RAB40B: variants seen among roughly 807,000 people sequenced by gnomAD.
RAB40B encodes ras-related protein Rab-40B.
In RAB40B, 21 loss-of-function variants were observed where a neutral mutation model predicts 24.0. That is an observed-to-expected ratio of 0.88 (90% CI 0.62 to 1.26). The LOEUF (loss-of-function observed/expected upper bound fraction) is 1.26. Among genes scored for constraint, RAB40B ranks in the 50% most tolerant of loss-of-function variants. The pLI, the probability that RAB40B is intolerant of heterozygous loss-of-function variation, is 0.00. For missense variants in RAB40B, 348 were observed against 390.5 expected, an observed-to-expected ratio of 0.89 and a Z score of 0.92; for synonymous variants, 167 against 169.8, an observed-to-expected ratio of 0.98 and a Z score of 0.13.
rs573290774 is a variant in RAB40B at position 82,672,877 on chromosome 17, A to G, written c.143-8321T>C. On this transcript the variant is annotated intron_variant, in intron 1 of 5. Transcript: ENST00000571995. Reference sequence around the variant, plus strand: ...GGTATACAATGTTTATTTTTCCTTCATGTACGAATTTTTGTTTCTACTGGA... The same window carrying G: ...GGTATACAATGTTTATTTTTCCTTCGTGTACGAATTTTTGTTTCTACTGGA... 6.6e-5 allele frequency among the ~76,000 whole-genome samples: 10 copies of G among 152,260 alleles called. No individual in the cohort carries two copies. The South Asian group carries it at 2.1e-3, about 32-fold the overall frequency.
intron 1 of RAB40B, among the ~76,000 whole-genome samples, chr17:82,665,321 C>G (rs1188003698): frequency 5.3e-5 from 8 of 151,670 alleles, no homozygotes; most frequent in Non-Finnish European, 8.8e-5. Flanking sequence ...GGCGTGATCA[C>G]AGCTCACTGC....
chr17:82,660,448 A>G (rs74193995), intron 3 of RAB40B, among the ~76,000 whole-genome samples: 21,109 of 150,718 alleles, frequency 0.14, 1,574 homozygotes, highest in South Asian at 0.25. Flanking sequence ...GCACTCATGC[A>G]GATGCACGCA....
chr17:82,672,096 C>G (rs1336148615), intron 1 of RAB40B, among the ~76,000 whole-genome samples: 4 of 148,238 alleles, frequency 2.7e-5, no homozygotes, highest in East Asian at 2.0e-4. Context: ...CACTGACACA[C>G]CCCACCCCTG....
At position 82,698,469 on chromosome 17, in the gene RAB40B, T is replaced by G. The variant is rs746161293; in HGVS notation, c.128A>C (p.Tyr43Ser). 1 of 1,467,510 alleles carries G rather than the reference T, an allele frequency of 6.8e-7. No individual in the cohort carries two copies. Among genetic ancestry groups the G allele is most frequent in the Admixed American group, 2.1e-5 (1 of 48,250 alleles). 90.9% of individuals were successfully genotyped at this position (1,467,510 alleles called of 1,614,324 possible). Residue 43 changes from tyrosine to serine, a missense_variant, in exon 1 of 6, where the codon TAC becomes TCC. Physicochemically the swap from Tyr to Ser is moderately radical, Grantham distance 144. Coordinates refer to ENST00000571995, the MANE Select transcript of RAB40B (RefSeq NM_006822.3). ...CCCGCGCTCACCCGCCGGGTGGCCGTACGGGGACTCGGCCGCGCCATCCTG... is the reference window on the plus strand; with the variant it reads ...CCCGCGCTCACCCGCCGGGTGGCCGGACGGGGACTCGGCCGCGCCATCCTG... ...SLQDGAAESP[Y>S]GHPAGIDYKT...
In RAB40B at chr17:82,679,231, C is replaced by G. The variant is rs114239805; in HGVS notation, c.143-14675G>C. Among the ~76,000 whole-genome samples the G allele has an allele frequency of 8.4e-3, 1,271 of 151,638 alleles. 13 individuals are homozygous for G. Among genetic ancestry groups the G allele is most frequent in the African/African-American group, 0.03 (1,224 of 41,372 alleles). On this transcript the variant is annotated intron_variant, in intron 1 of 5. Coordinates refer to ENST00000571995, the MANE Select transcript of RAB40B (RefSeq NM_006822.3). Reference sequence around the variant, plus strand: ...TCGCGCCCACCAGCAACCACCTTCTCCGGTAGCCTGAAGGACACCACAAGC... The same window carrying G: ...TCGCGCCCACCAGCAACCACCTTCTGCGGTAGCCTGAAGGACACCACAAGC...
In RAB40B at chr17:82,658,139, GGA is replaced by G. The variant is rs1568027421; in HGVS notation, c.566-7_566-6del. On this transcript the variant is annotated splice_region_variant and splice_polypyrimidine_tract_variant and intron_variant, in intron 5 of 5. Transcript: ENST00000571995. ...AGAGGTCTTGCAAGCTCAGCACTTG[GGA>G]GAGAAAAGATAAACCTTGCTTAGTG... The G allele has an allele frequency of 6.2e-6, 10 of 1,612,156 alleles. No individual in the cohort carries two copies. Among genetic ancestry groups the G allele is most frequent in the Non-Finnish European group, 2.5e-6 (3 of 1,179,074 alleles).
chr17:82,679,048 A>T (rs952342679), intron 1 of RAB40B, among the ~76,000 whole-genome samples: 1 of 150,792 alleles, frequency 6.6e-6, no homozygotes, highest in Non-Finnish European at 1.5e-5. Flanking sequence ...ACGCCTGGCT[A>T]ATTTTTTTGT....
intron 1 of RAB40B, chr17:82,696,817 T>A (rs548883413): frequency 6.2e-6 from 1 of 161,314 alleles, no homozygotes; most frequent in Non-Finnish European, 1.4e-5. Context: ...AGGGCAGCGC[T>A]GGCCCTCGGA....
intron 1 of RAB40B, among the ~76,000 whole-genome samples, chr17:82,681,020 CAAAAAAAA>C (rs201799464): frequency 1.1e-5 from 1 of 93,954 alleles, no homozygotes; most frequent in Admixed American, 1.5e-4. Flanking sequence ...GACTCCATCT[CAAAAAAAA>C]AAAAAAAAAA....
chr17:82,657,660 C>G lies in RAB40B; in HGVS notation c.*203G>C, dbSNP rs757259866. The G allele has an allele frequency of 4.2e-6, 3 of 716,784 alleles. No individual in the cohort carries two copies. The highest frequency in any genetic ancestry group is 5.4e-5 in the East Asian group (2 of 36,998). 44.4% of individuals were successfully genotyped at this position (716,784 alleles called of 1,614,324 possible). A position where few individuals can be genotyped will look rare whatever the true frequency, so the allele number is the denominator to read the frequency against. On this transcript the variant is annotated 3_prime_UTR_variant, in exon 6 of 6. Transcript: ENST00000571995. ...TAATTTTCCCTTTACAAACACACATCGAAAACAAGAGCTTCATGCACATCC... is the reference window on the plus strand; with the variant it reads ...TAATTTTCCCTTTACAAACACACATGGAAAACAAGAGCTTCATGCACATCC...
chr17:82,664,641 T>A (rs1339174967), intron 1 of RAB40B, 85 bp from the exon 2 acceptor site: 1 of 1,326,758 alleles, frequency 7.5e-7, no homozygotes, highest in Non-Finnish European at 1.1e-6. Context: ...GAAAAGGGTT[T>A]CTCATCAGTG....
chr17:82,668,549 G>A (rs1371125533), intron 1 of RAB40B, among the ~76,000 whole-genome samples: 1 of 152,282 alleles, frequency 6.6e-6, no homozygotes, highest in Non-Finnish European at 1.5e-5. Flanking sequence ...CAGTCCCGAG[G>A]GGGCTGAGGT....
intron 1 of RAB40B, among the ~76,000 whole-genome samples, chr17:82,677,846 CG>C (rs979131255): frequency 1.3e-5 from 2 of 152,232 alleles, no homozygotes; most frequent in African/African-American, 4.8e-5. Context: ...GCACCTGACC[CG>C]GGGCCTCTTC....
intron 1 of RAB40B, among the ~76,000 whole-genome samples, chr17:82,665,110 G>A (rs558558832): frequency 5.9e-5 from 9 of 152,298 alleles, no homozygotes; most frequent in South Asian, 2.1e-4. Context: ...TGTGAACCAC[G>A]CATGTGCAGG....
intron 1 of RAB40B, chr17:82,696,474 G>A (rs892281980): frequency 1.9e-5 from 3 of 155,080 alleles, no homozygotes; most frequent in Non-Finnish European, 4.3e-5. Flanking sequence ...GGGCGTACAC[G>A]TTGTTGGGTG....
At chr17:82,682,449 G>A (rs2046456893) in intron 1 of RAB40B, among the ~76,000 whole-genome samples, 2 of 152,168 alleles carry the variant, frequency 1.3e-5, no homozygotes, top group African/African-American at 4.8e-5. Context: ...CCATGTTCAT[G>A]ATTGACAGAA....
At chr17:82,691,584 AG>A (rs2046558474) in intron 1 of RAB40B, among the ~76,000 whole-genome samples, 1 of 152,176 alleles carries the variant, frequency 6.6e-6, no homozygotes, top group Non-Finnish European at 1.5e-5. Flanking sequence ...CGGGGGGCTG[AG>A]GCAGGAGAAT....
intron 1 of RAB40B, among the ~76,000 whole-genome samples, chr17:82,671,221 C>T (rs180743348): frequency 0.13 from 18,746 of 140,818 alleles, 1,666 homozygotes; most frequent in Non-Finnish European, 0.16. Flanking sequence ...CACTCACACG[C>T]TCCCTGTACT....
At chr17:82,690,751 G>A (rs1351845048) in intron 1 of RAB40B, among the ~76,000 whole-genome samples, 4 of 149,816 alleles carry the variant, frequency 2.7e-5, no homozygotes, top group African/African-American at 9.9e-5. Context: ...GAGTGTGCAC[G>A]TGTGTCCAGG....
Sources: allele counts gnomAD v4.1 joint callset (sites outside exome capture counted in the v4.1 genomes callset), GRCh38; gene constraint gnomAD v4.1.1; transcripts MANE v1.5; gene names NCBI Gene and HGNC (gene_info 2026-07-23, HGNC 2026-07-21).